The following GLYR1 variants were observed in gnomAD, a reference collection of about 807,000 sequenced individuals.
The protein encoded by GLYR1 is glyoxylate reductase 1 homolog, also known as cytokine-like nuclear factor N-PAC.
A neutral mutation model predicts 72.7 loss-of-function variants in GLYR1; 21 were observed. That is an observed-to-expected ratio of 0.29 (90% CI 0.20 to 0.42). The LOEUF (loss-of-function observed/expected upper bound fraction) is 0.42, where lower values mean the gene tolerates loss of function less well. Ranked by LOEUF, GLYR1 falls within the 10% of genes least tolerant of loss-of-function variation. The pLI is 1.00. For missense variants in GLYR1, 594 were observed against 712.1 expected, an observed-to-expected ratio of 0.83 and a Z score of 1.89; for synonymous variants, 392 against 270.2, an observed-to-expected ratio of 1.45 and a Z score of -4.42.
chr16:4,844,339 G>A (rs2085795512), intron 3 of GLYR1, among the ~76,000 whole-genome samples: 1 of 151,258 alleles, frequency 6.6e-6, no homozygotes, highest in African/African-American at 2.4e-5. Context: ...CAATGTCAAA[G>A]CAAATCACTT....
intron 12 of GLYR1, among the ~76,000 whole-genome samples, chr16:4,812,564 A>G (rs1016764178): frequency 6.8e-6 from 1 of 147,448 alleles, no homozygotes; most frequent in Non-Finnish European, 1.5e-5. Context: ...GCGATCTCGG[A>G]TCACTGCAAG....
chr16:4,837,582 G>T lies in GLYR1; in HGVS notation c.156-4670C>A, dbSNP rs375017158. ...TGAAGCTAAGAGAAAGAGAAAAGGA[G>T]AAAGGACGGGGAGAAGATGGCAGGG... On this transcript the variant is annotated intron_variant, in intron 3 of 15. Coordinates refer to ENST00000321919, the MANE Select transcript of GLYR1 (RefSeq NM_032569.4). 7.9e-5 allele frequency among the ~76,000 whole-genome samples: 12 copies of T among 152,164 alleles called. No homozygotes were observed. The East Asian group carries it at 1.7e-3, about 22-fold the overall frequency.
rs376565440 is a variant in GLYR1, at chr16:4,810,763, G to A, written c.1587+407C>T. Among the ~76,000 whole-genome samples the A allele has an allele frequency of 7.6e-5, 11 of 144,518 alleles. No individual in the cohort carries two copies. In the East Asian group the frequency reaches 8.0e-4, roughly 10 times the overall value. The allele number at this position is 144,518 out of a possible 152,430, so 94.8% of individuals were successfully genotyped here. On this transcript the variant is annotated intron_variant, in intron 15 of 15. Transcript: ENST00000321919. ...CCGGGCGTGGTGGCAAGAGCCTGAG[G>A]CGACAGAGCAAGACTCTGTCTCAAA...
intron 15 of GLYR1, among the ~76,000 whole-genome samples, chr16:4,810,524 G>C (rs2083264075): frequency 6.7e-6 from 1 of 149,392 alleles, no homozygotes; most frequent in Non-Finnish European, 1.5e-5. Flanking sequence ...AAAAGAAAAA[G>C]AACAAAGAAA....
At chr16:4,826,965 G>A (rs925431002) in intron 5 of GLYR1, among the ~76,000 whole-genome samples, 2 of 152,222 alleles carry the variant, frequency 1.3e-5, no homozygotes, top group African/African-American at 4.8e-5. Flanking sequence ...CCTCGTGTGA[G>A]TATGGGATTT....
intron 15 of GLYR1, among the ~76,000 whole-genome samples, 157 bp from the exon 16 acceptor site, chr16:4,805,467 C>A (rs751263005): frequency 6.6e-6 from 1 of 152,228 alleles, no homozygotes; most frequent in African/African-American, 2.4e-5. Flanking sequence ...GAAGCACCTC[C>A]GTTTCTCTGG....
intron 9 of GLYR1, 22 bp downstream of exon 9, chr16:4,821,358 G>C (rs2084012756): frequency 3.7e-6 from 6 of 1,611,224 alleles, no homozygotes; most frequent in Non-Finnish European, 5.1e-6. Context: ...GCCACTGGAG[G>C]CCTTTTCATC....
At chr16:4,827,539 C>T (rs1460072982) in intron 5 of GLYR1, among the ~76,000 whole-genome samples, 4 of 151,920 alleles carry the variant, frequency 2.6e-5, no homozygotes, top group South Asian at 2.1e-4. Context: ...AGACACACCT[C>T]GTTTTATTAT....
Position 4,816,413 on chromosome 16 carries a change from G to T in GLYR1, c.906+1185C>A, listed in dbSNP as rs77344926. On this transcript the variant is annotated intron_variant, in intron 10 of 15. Coordinates refer to ENST00000321919, the MANE Select transcript of GLYR1 (RefSeq NM_032569.4). ...TTCCCTCAGCCTCCCAAGGTGCTAG[G>T]ATTATAGGTGTGAGCCTATTCTTAG... 7.0e-3 allele frequency among the ~76,000 whole-genome samples: 1,063 copies of T among 152,266 alleles called. 10 individuals are homozygous for T. The highest frequency in any genetic ancestry group is 0.025 in the African/African-American group (1,020 of 41,550).
intron 5 of GLYR1, among the ~76,000 whole-genome samples, chr16:4,826,272 A>T (rs908288614): frequency 2.6e-5 from 4 of 152,074 alleles, no homozygotes; most frequent in Non-Finnish European, 5.9e-5. Context: ...TGTTTTCTGT[A>T]ATTTCTAATT....
intron 5 of GLYR1, among the ~76,000 whole-genome samples, chr16:4,831,355 G>A (rs1018785190): frequency 1.3e-5 from 2 of 152,058 alleles, no homozygotes; most frequent in African/African-American, 4.8e-5. Flanking sequence ...TCACCTTCCC[G>A]GGCCCCCACT....
chr16:4,816,516 A>C (rs993809598), intron 10 of GLYR1, among the ~76,000 whole-genome samples: 3 of 152,114 alleles, frequency 2.0e-5, no homozygotes, highest in African/African-American at 7.2e-5. Context: ...GCAACATATT[A>C]CCCTTCTTAC....
intron 5 of GLYR1, among the ~76,000 whole-genome samples, chr16:4,827,334 C>T (rs536717876): frequency 1.3e-5 from 2 of 152,258 alleles, no homozygotes; most frequent in South Asian, 4.1e-4. Flanking sequence ...TAAAACACAC[C>T]AAAATTCCAA....
intron 15 of GLYR1, among the ~76,000 whole-genome samples, chr16:4,810,943 A>G (rs926540138): frequency 6.6e-6 from 1 of 151,872 alleles, no homozygotes; most frequent in Non-Finnish European, 1.5e-5. Context: ...CATCTCTGCT[A>G]AAAATACAAA....
Position 4,847,286 on chromosome 16 carries a change from G to A in GLYR1, c.-21C>T, listed in dbSNP as rs950157800. 5 of 1,609,766 alleles carry A rather than the reference G, an allele frequency of 3.1e-6. No homozygotes were observed. The highest frequency in any genetic ancestry group is 2.2e-5 in the South Asian group (2 of 90,792). On this transcript the variant is annotated 5_prime_UTR_variant, in exon 1 of 16. Transcript: ENST00000321919. ...GCCATCTTACCACCCAACCACCGCC[G>A]ACGCACGGGCCGCCGGGAACAGCAA... is the stretch of plus-strand genomic sequence containing the variant.
intron 3 of GLYR1, among the ~76,000 whole-genome samples, chr16:4,843,152 G>A (rs1207905456): frequency 2.0e-5 from 3 of 152,138 alleles, no homozygotes; most frequent in Non-Finnish European, 4.4e-5. Context: ...TTATGCATGA[G>A]GACAATCTTT....
intron 3 of GLYR1, among the ~76,000 whole-genome samples, chr16:4,844,182 A>G (rs2085776948): frequency 6.6e-6 from 1 of 152,158 alleles, no homozygotes; most frequent in Non-Finnish European, 1.5e-5. Context: ...ATAGTGATAA[A>G]AAGCTAAACA....
intron 3 of GLYR1, among the ~76,000 whole-genome samples, chr16:4,844,565 G>A (rs1253816489): frequency 4.6e-5 from 7 of 152,198 alleles, no homozygotes; most frequent in Admixed American, 4.6e-4. Flanking sequence ...GAGTCCAGGA[G>A]TTCAAGAACA....
chr16:4,817,738 AG>A (rs1567692231), intron 9 of GLYR1, 41 bp from the exon 10 acceptor site: 3 of 1,222,798 alleles, frequency 2.5e-6, no homozygotes, highest in Non-Finnish European at 3.6e-6. Flanking sequence ...GTGGAAAGGG[AG>A]GGTCACGGTG....
Sources: allele counts gnomAD v4.1 joint callset (sites outside exome capture counted in the v4.1 genomes callset), GRCh38; gene constraint gnomAD v4.1.1; transcripts MANE v1.5; gene names NCBI Gene and HGNC (gene_info 2026-07-23, HGNC 2026-07-21).